Variants in SYNE2 observed in about 807,000 individuals in gnomAD.
SYNE2 encodes nesprin-2.
A neutral mutation model predicts 856.3 loss-of-function variants in SYNE2; 431 were observed. The ratio of observed to expected loss-of-function variants is 0.50; its 90% CI spans 0.47 to 0.55. The LOEUF is 0.55. Ranked by LOEUF, SYNE2 falls within the 20% of genes least tolerant of loss-of-function variation. The pLI is 0.00. For synonymous variants in SYNE2, 2,923 were observed against 2,872.3 expected, an observed-to-expected ratio of 1.02 and a Z score of -0.56; for missense variants, 8,129 against 8,023.2, an observed-to-expected ratio of 1.01 and a Z score of -0.50.
intron 100 of SYNE2, chr14:64,208,298 G>T: frequency 2.6e-6 from 1 of 384,930 alleles, no homozygotes; most frequent in Admixed American, 3.4e-5. Flanking sequence ...GTGTGTGTTT[G>T]AAGAGTTCGG....
chr14:63,970,989 C>T (rs555854758), intron 11 of SYNE2, among the ~76,000 whole-genome samples: 5 of 151,860 alleles, frequency 3.3e-5, no homozygotes, highest in East Asian at 1.9e-4. Context: ...TTGGATCATA[C>T]GTTTTTTAAG....
intron 54 of SYNE2, among the ~76,000 whole-genome samples, chr14:64,076,913 A>T (rs1352022901): frequency 6.6e-6 from 1 of 152,180 alleles, no homozygotes; most frequent in Non-Finnish European, 1.5e-5. Context: ...ACGTATATTT[A>T]TAACAAATCT....
At chr14:64,112,347 A>G (rs2097817265) in intron 65 of SYNE2, among the ~76,000 whole-genome samples, 1 of 152,226 alleles carries the variant, frequency 6.6e-6, no homozygotes, top group African/African-American at 2.4e-5. Flanking sequence ...TCAATAAAAT[A>G]TTTTTTGAGA....
rs1285458918 is a variant in SYNE2 at position 64,225,370 on chromosome 14, G to A, written c.20568G>A (p.Arg6856=). Residue 6856 remains arginine (R), a synonymous_variant, in exon 116 of 116, where the codon CGG becomes CGA. Transcript: ENST00000555002. The part of the protein sequence containing the change: ...PQRSFLSRVV[R]AALPLQLLLL... ...GCTCCTTCCTCTCAAGGGTGGTCCGGGCAGCCCTACCCCTGCAGCTGCTCC... is the reference window on the plus strand; with the variant it reads ...GCTCCTTCCTCTCAAGGGTGGTCCGAGCAGCCCTACCCCTGCAGCTGCTCC... 6.2e-7 allele frequency: 1 copy of A among 1,613,970 alleles called. No individual in the cohort carries two copies. Among genetic ancestry groups the A allele is most frequent in the Non-Finnish European group, 8.5e-7 (1 of 1,180,024 alleles).
chr14:63,908,776 A>G (rs2095438371), intron 1 of SYNE2, among the ~76,000 whole-genome samples: 1 of 152,220 alleles, frequency 6.6e-6, no homozygotes, highest in South Asian at 2.1e-4. Context: ...AGTTTGTGTC[A>G]ACTTTCCTTC....
intron 77 of SYNE2, among the ~76,000 whole-genome samples, 191 bp from the exon 78 acceptor site, chr14:64,133,878 G>A (rs1283560762): frequency 6.6e-6 from 1 of 152,158 alleles, no homozygotes; most frequent in Non-Finnish European, 1.5e-5. Flanking sequence ...GTCCTCAAAG[G>A]TGATGGAATT....
chr14:63,963,067 C>T (rs1464012533), intron 9 of SYNE2, among the ~76,000 whole-genome samples: 1 of 152,144 alleles, frequency 6.6e-6, no homozygotes. Context: ...GACATGTTTA[C>T]ATGCATTTTA....
At position 64,031,130 on chromosome 14, in the gene SYNE2, A is replaced by G. The variant is rs372848337; in HGVS notation, c.6994A>G (p.Ile2332Val). The G allele has an allele frequency of 7.4e-6, 12 of 1,614,072 alleles. No individual in the cohort carries two copies. Among genetic ancestry groups the G allele is most frequent in the Admixed American group, 1.7e-5 (1 of 59,982 alleles). Residue 2332 changes from isoleucine (I) to valine (V), a missense_variant, in exon 45 of 116, where the codon ATA (isoleucine) becomes GTA (valine). Transcript: ENST00000555002. ...SVGQKIIKDD[I>V]KSLQCKQKDL... ...GGGGCAGAAGATTATTAAAGATGAT[A>G]TAAAATCACTTCAGTGTAAACAAAA...
Position 64,126,646 on chromosome 14 carries a change from A to G in SYNE2, c.13756A>G (p.Lys4586Glu). 6.2e-7 allele frequency: 1 copy of G among 1,614,232 alleles called. No homozygotes were observed. The highest frequency in any genetic ancestry group is 1.1e-5 in the South Asian group (1 of 91,088). The change falls in exon 73 of 116, where the codon AAG becomes GAG. Residue 4586 changes from lysine (K) to glutamate (E), a missense_variant. Around this residue, in one of 3 missense-constraint regions of SYNE2, gnomAD observed 5,410 missense variants for 5,284.8 expected, o/e 1.02. Coordinates refer to ENST00000555002, the MANE Select transcript of SYNE2 (RefSeq NM_182914.3). ...ACTTTATTTAGCGCTAAGTGACAAGAAGGGTGATCTTTTGAAAGCCATGAC... is the reference window on the plus strand; with the variant it reads ...ACTTTATTTAGCGCTAAGTGACAAGGAGGGTGATCTTTTGAAAGCCATGAC... ...KKLYLALSDK[K>E]GDLLKAMTWP...
At chr14:64,140,645 A>T (rs575535729) in intron 80 of SYNE2, among the ~76,000 whole-genome samples, 8 of 152,338 alleles carry the variant, frequency 5.3e-5, no homozygotes, top group Middle Eastern at 3.4e-3. Context: ...ACCCAAAAAC[A>T]ACTTTATAAG....
intron 56 of SYNE2, 49 bp downstream of exon 56, chr14:64,080,687 T>C: frequency 6.2e-7 from 1 of 1,601,636 alleles, no homozygotes; most frequent in South Asian, 1.1e-5. Flanking sequence ...GGTATTGAGA[T>C]GGTGTTAAAG....
chr14:64,209,655 C>G (rs2098629697), intron 102 of SYNE2, 77 bp downstream of exon 102: 5 of 1,585,686 alleles, frequency 3.2e-6, no homozygotes, highest in Non-Finnish European at 1.7e-6. Context: ...AAATGACTTC[C>G]TCTAAGTAGC....
intron 45 of SYNE2, among the ~76,000 whole-genome samples, chr14:64,037,624 C>T (rs2097102803): frequency 6.6e-6 from 1 of 151,582 alleles, no homozygotes; most frequent in African/African-American, 2.4e-5. Flanking sequence ...GTCATCATGG[C>T]CCGTTCTCAA....
At position 64,162,129 on chromosome 14, in the gene SYNE2, C is replaced by G. The variant is rs1225661734; in HGVS notation, c.16152C>G (p.Leu5384=). Reference sequence around the variant, plus strand: ...AGTTGCAGAAGGCCCAGAGTCTGCTCCAGCTCTGGAAGGCCTATAGCAATG... The same window carrying G: ...AGTTGCAGAAGGCCCAGAGTCTGCTGCAGCTCTGGAAGGCCTATAGCAATG... ...ADQLQKAQSL[L]QLWKAYSNAH... is the part of the protein sequence containing the mutation. The change falls in exon 88 of 116, where the codon CTC becomes CTG. Residue 5384 remains leucine (L), a synonymous_variant. Coordinates refer to ENST00000555002, the MANE Select transcript of SYNE2 (RefSeq NM_182914.3). 6.2e-7 allele frequency: 1 copy of G among 1,614,194 alleles called. No homozygotes were observed. Among genetic ancestry groups the G allele is most frequent in the Non-Finnish European group, 8.5e-7 (1 of 1,180,032 alleles).
chr14:64,143,998 C>T (rs779734277), intron 83 of SYNE2, 50 bp downstream of exon 83: 1 of 1,608,534 alleles, frequency 6.2e-7, no homozygotes, highest in East Asian at 2.2e-5. Context: ...TTATGAAACA[C>T]ACTTTCTGAA....
At chr14:64,039,009 A>G (rs947172485) in intron 45 of SYNE2, among the ~76,000 whole-genome samples, 1 of 152,144 alleles carries the variant, frequency 6.6e-6, no homozygotes, top group Non-Finnish European at 1.5e-5. Context: ...CCTGAGAGGT[A>G]GGTGTGGCTG....
Position 64,038,354 on chromosome 14 carries a change from C to T in SYNE2, c.7221+6997C>T, listed in dbSNP as rs1443067042. Among the ~76,000 whole-genome samples the T allele has an allele frequency of 9.9e-5, 15 of 152,158 alleles. No homozygotes were observed. The East Asian group carries it at 2.7e-3, about 27-fold the overall frequency. On this transcript the variant is annotated intron_variant, in intron 45 of 115. Transcript: ENST00000555002. The stretch of plus-strand genomic sequence containing the variant: ...CCGGGCAGAGACGCTCCTCACTTTC[C>T]AGACTGGGCAGCCAGGCAGAGGGGC...
rs1042849231 is a variant in SYNE2, at chr14:64,104,970, C to T, written c.12493-2521C>T. Among the ~76,000 whole-genome samples the T allele has an allele frequency of 2.6e-5, 4 of 152,154 alleles. No individual in the cohort carries two copies. In the East Asian group the frequency reaches 5.8e-4, roughly 22 times the overall value. On this transcript the variant is annotated intron_variant, in intron 64 of 115. Transcript: ENST00000555002. ...CAAAGCTTGCTCCTCTTACTAATTT[C>T]TCAGTGTCTGCTGTTGGTGCCACTA...
At chr14:64,218,273 G>A (rs2098676292) in intron 108 of SYNE2, 125 bp from the exon 109 acceptor site, 2 of 865,318 alleles carry the variant, frequency 2.3e-6, no homozygotes, top group Admixed American at 4.0e-5. Context: ...TGTATTCCTA[G>A]CAAGATACCC....
Sources: allele counts gnomAD v4.1 joint callset (sites outside exome capture counted in the v4.1 genomes callset), GRCh38; gene constraint gnomAD v4.1.1; regional missense constraint gnomAD v4.1.1; transcripts MANE v1.5; gene names NCBI Gene and HGNC (gene_info 2026-07-23, HGNC 2026-07-21).